Variants in TMEM63B observed in about 807,000 individuals in gnomAD.
The protein encoded by TMEM63B is mechanosensitive cation channel TMEM63B.
A neutral mutation model predicts 102.6 loss-of-function variants in TMEM63B; 23 were observed. The observed-to-expected ratio is 0.22, with a 90% CI of 0.16 to 0.32. The LOEUF is 0.32. TMEM63B is among the 10% of genes least tolerant of loss of function. The pLI is 1.00. For missense variants in TMEM63B, 628 were observed against 1,095.9 expected, an observed-to-expected ratio of 0.57 and a Z score of 6.03; for synonymous variants, 444 against 437.0, an observed-to-expected ratio of 1.02 and a Z score of -0.20.
At position 44,150,691 on chromosome 6, in the gene TMEM63B, C is replaced by A; in HGVS notation, c.1673+62C>A. The A allele has an allele frequency of 6.6e-7, 1 of 1,521,486 alleles. No homozygotes were observed. The highest frequency in any genetic ancestry group is 9.1e-7 in the Non-Finnish European group (1 of 1,098,990). 94.2% of individuals were successfully genotyped at this position (1,521,486 alleles called of 1,614,324 possible). On this transcript the variant is annotated intron_variant, in intron 18 of 23. Transcript: ENST00000323267. This position sits in a 1 kb window ranked among gnomAD's most constrained non-coding sequence, Gnocchi z 4.7. ...AGCAGGGGTGGGTATGCTTGAGAGA[C>A]ATTGCCAGCCCCATGGGAGGGTGCA...
Position 44,150,588 on chromosome 6 carries a change from C to T in TMEM63B, c.1632C>T (p.Leu544=), listed in dbSNP as rs772173355. ...GCCTGGACCTCTTCTTCCGCTGGCT[C>T]TTTGATAAGAAATTCTTGGCTGAGG... is the stretch of plus-strand genomic sequence containing the variant. ...LSSLDLFFRW[L]FDKKFLAEAA... is the part of the protein sequence containing the mutation. Residue 544 remains leucine (L), a synonymous_variant, in exon 18 of 24, where the codon CTC becomes CTT. Transcript: ENST00000323267. This position sits in a 1 kb window ranked among gnomAD's most constrained non-coding sequence, Gnocchi z 4.7. The T allele has an allele frequency of 9.9e-6, 16 of 1,614,038 alleles. No homozygotes were observed. Among genetic ancestry groups the T allele is most frequent in the Middle Eastern group, 1.6e-4 (1 of 6,084 alleles).
Position 44,148,158 on chromosome 6 carries a change from G to C in TMEM63B, c.988-94G>C. On this transcript the variant is annotated intron_variant, in intron 12 of 23. Transcript: ENST00000323267. The surrounding 1 kb of genome is among the most constrained non-coding windows in gnomAD (Gnocchi z 5.1). Reference sequence around the variant, plus strand: ...AAAATGCTTAGAGGAGCAGTGCCTGGCTTGTAGGAAGCCCCAAGTCAGCGT... The same window carrying C: ...AAAATGCTTAGAGGAGCAGTGCCTGCCTTGTAGGAAGCCCCAAGTCAGCGT... 1 of 1,549,820 alleles carries C rather than the reference G, an allele frequency of 6.5e-7. No individual in the cohort carries two copies. The highest frequency in any genetic ancestry group is 8.7e-7 in the Non-Finnish European group (1 of 1,149,938).
At position 44,132,675 on chromosome 6, in the gene TMEM63B, G is replaced by A. The variant is rs139203406; in HGVS notation, c.-24-1886G>A. 8.8e-3 allele frequency among the ~76,000 whole-genome samples: 1,344 copies of A among 152,006 alleles called. 10 individuals are homozygous for A. The highest frequency in any genetic ancestry group is 0.013 in the Non-Finnish European group (913 of 67,986). Reference sequence around the variant, plus strand: ...ACACCCATGTTCACACCCCCACTTCGAAGCCAACAACTCCCTTCATTTCCG... The same window carrying A: ...ACACCCATGTTCACACCCCCACTTCAAAGCCAACAACTCCCTTCATTTCCG... On this transcript the variant is annotated intron_variant, in intron 1 of 23. Coordinates refer to ENST00000323267, the MANE Select transcript of TMEM63B (RefSeq NM_018426.3).
chr6:44,152,044 GCCCC>G lies in TMEM63B; in HGVS notation c.1836+38_1836+41del. 1 of 1,552,804 alleles carries G rather than the reference GCCCC, an allele frequency of 6.4e-7. No individual in the cohort carries two copies. ...CTGGGGCAGCAGCGGCCCGCACAGC[GCCCC>G]CTGGTGGCCCAACAAGAAACAGCAG... On this transcript the variant is annotated intron_variant, in intron 19 of 23. Transcript: ENST00000323267. This position sits in a 1 kb window ranked among gnomAD's most constrained non-coding sequence, Gnocchi z 6.4.
At position 44,152,074 on chromosome 6, in the gene TMEM63B, C is replaced by T. The variant is rs1017138010; in HGVS notation, c.1836+66C>T. The T allele has an allele frequency of 1.3e-5, 20 of 1,513,480 alleles. No homozygotes were observed. The highest frequency in any genetic ancestry group is 1.6e-5 in the Non-Finnish European group (18 of 1,132,658). 93.8% of individuals were successfully genotyped at this position (1,513,480 alleles called of 1,614,324 possible). On this transcript the variant is annotated intron_variant, in intron 19 of 23. Transcript: ENST00000323267. The surrounding 1 kb of genome is among the most constrained non-coding windows in gnomAD (Gnocchi z 6.4). ...CTGGTGGCCCAACAAGAAACAGCAG[C>T]CATCGCGCTAGGGTTGAGGGGCACA... is the stretch of plus-strand genomic sequence containing the variant.
intron 11 of TMEM63B, 77 bp from the exon 12 acceptor site, chr6:44,147,300 G>T: frequency 6.2e-7 from 1 of 1,609,238 alleles, no homozygotes; most frequent in South Asian, 1.1e-5. Flanking sequence ...CCTGTCCTTG[G>T]GGAGTGAGCT....
At chr6:44,135,408 T>G (rs1409711917) in intron 4 of TMEM63B, 42 bp downstream of exon 4, 1 of 1,579,282 alleles carries the variant, frequency 6.3e-7, no homozygotes, top group East Asian at 2.3e-5. Context: ...TAAACCAGCT[T>G]TCCCTTTTCT....
Position 44,152,033 on chromosome 6 carries a change from G to T in TMEM63B, c.1836+25G>T, listed in dbSNP as rs756169898. The stretch of plus-strand genomic sequence containing the variant: ...GGTACGGCCGCCTGGGGCAGCAGCG[G>T]CCCGCACAGCGCCCCCTGGTGGCCC... On this transcript the variant is annotated intron_variant, in intron 19 of 23. Coordinates refer to ENST00000323267, the MANE Select transcript of TMEM63B (RefSeq NM_018426.3). The surrounding 1 kb of genome is among the most constrained non-coding windows in gnomAD (Gnocchi z 6.4). 5 of 1,572,454 alleles carry T rather than the reference G, an allele frequency of 3.2e-6. No homozygotes were observed. In the South Asian group the frequency reaches 4.6e-5, roughly 14 times the overall value.
At chr6:44,134,922 T>G in intron 2 of TMEM63B, 95 bp from the exon 3 acceptor site, 1 of 1,533,446 alleles carries the variant, frequency 6.5e-7, no homozygotes, top group South Asian at 1.1e-5. Flanking sequence ...GTCATCCCCT[T>G]CTAAGACAAG....
intron 20 of TMEM63B, 86 bp from the exon 21 acceptor site, chr6:44,153,590 T>A: frequency 6.6e-7 from 1 of 1,504,026 alleles, no homozygotes; most frequent in Middle Eastern, 2.2e-4. Flanking sequence ...CCTTCAGCAC[T>A]CTCAGGACCA....
chr6:44,139,677 C>A lies in TMEM63B; in HGVS notation c.551-31C>A, dbSNP rs202216036. The stretch of plus-strand genomic sequence containing the variant: ...CTGGAGGGGATGTGCCCTGACCCCA[C>A]CATCATCCTCTCCCTCTTCCCACCC... On this transcript the variant is annotated intron_variant, in intron 7 of 23. Transcript: ENST00000323267. 1.3e-5 allele frequency: 21 copies of A among 1,614,112 alleles called. No individual in the cohort carries two copies. In the Admixed American group the frequency reaches 3.3e-4, roughly 26 times the overall value.
intron 10 of TMEM63B, among the ~76,000 whole-genome samples, chr6:44,144,481 C>T (rs1188492616): frequency 6.6e-6 from 1 of 152,102 alleles, no homozygotes; most frequent in Non-Finnish European, 1.5e-5. Context: ...ATCTCAAGGA[C>T]CCTATCCCAG....
intron 3 of TMEM63B, 108 bp downstream of exon 3, chr6:44,135,204 T>C: frequency 1.3e-6 from 2 of 1,570,968 alleles, no homozygotes. Context: ...GCTGGGGGGA[T>C]GAGAAGGGAC....
intron 6 of TMEM63B, among the ~76,000 whole-genome samples, chr6:44,139,237 C>T (rs918184481): frequency 6.6e-6 from 1 of 152,042 alleles, no homozygotes; most frequent in Non-Finnish European, 1.5e-5. Flanking sequence ...TCATCCCTCC[C>T]CTTCTCCATG....
Position 44,149,950 on chromosome 6 carries a change from A to G in TMEM63B, c.1505A>G (p.Glu502Gly). 6.2e-7 allele frequency: 1 copy of G among 1,613,446 alleles called. No homozygotes were observed. Among genetic ancestry groups the G allele is most frequent in the South Asian group, 1.1e-5 (1 of 90,826 alleles). ...PTIVYYSAFF[E>G]AHWTRSGENR... ...ATCGTCTACTACTCAGCCTTCTTTG[A>G]AGCCCACTGGACACGGTAAGGTGCC... The change falls in exon 16 of 24, where the codon GAA becomes GGA. Residue 502 changes from glutamate to glycine, a missense_variant. Physicochemically the swap from Glu to Gly is moderately conservative, Grantham distance 98 (BLOSUM62 -2). Coordinates refer to ENST00000323267, the MANE Select transcript of TMEM63B (RefSeq NM_018426.3).
Position 44,140,273 on chromosome 6 carries a change from C to G in TMEM63B, c.624C>G (p.His208Gln). The G allele has an allele frequency of 6.2e-7, 1 of 1,614,018 alleles. No homozygotes were observed. The highest frequency in any genetic ancestry group is 8.5e-7 in the Non-Finnish European group (1 of 1,179,960). The change falls in exon 9 of 24, where the codon CAC becomes CAG. Residue 208 changes from histidine (H) to glutamine (Q), a missense_variant. This residue lies in a region of TMEM63B where 336 missense variants were observed against 580.3 expected (regional missense o/e 0.58). Coordinates refer to ENST00000323267, the MANE Select transcript of TMEM63B (RefSeq NM_018426.3). The part of the protein sequence containing the change: ...LKSGNNLLWL[H>Q]TSFAFLYLLL... Reference sequence around the variant, plus strand: ...CCAGGAACAACCTGCTATGGCTGCACACCTCCTTCGCCTTCCTGTATCTGC... The same window carrying G: ...CCAGGAACAACCTGCTATGGCTGCAGACCTCCTTCGCCTTCCTGTATCTGC...
chr6:44,148,496 A>G lies in TMEM63B; in HGVS notation c.1122-17A>G. ...GCCTCCAGGTGGGCCTGTGGTAACC[A>G]GTGCCCATCTTTCTAGCATCCTGAA... On this transcript the variant is annotated splice_polypyrimidine_tract_variant and intron_variant, in intron 13 of 23. Coordinates refer to ENST00000323267, the MANE Select transcript of TMEM63B (RefSeq NM_018426.3). This position sits in a 1 kb window ranked among gnomAD's most constrained non-coding sequence, Gnocchi z 5.1. 1 of 1,613,552 alleles carries G rather than the reference A, an allele frequency of 6.2e-7. No individual in the cohort carries two copies. Among genetic ancestry groups the G allele is most frequent in the Middle Eastern group, 1.7e-4 (1 of 6,060 alleles).
At chr6:44,146,817 G>A in intron 10 of TMEM63B, 30 bp from the exon 11 acceptor site, 6 of 1,611,742 alleles carry the variant, frequency 3.7e-6, no homozygotes, top group Non-Finnish European at 5.1e-6. Flanking sequence ...TGGGGTCCCT[G>A]CACAAGATGA....
upstream of TMEM63B, chr6:44,127,401 G>C (rs1167955308): frequency 6.6e-6 from 1 of 151,930 alleles, no homozygotes; most frequent in African/African-American, 2.4e-5. Flanking sequence ...CGCCGCCTTC[G>C]CCCCACGCGG....
Sources: gnomAD v4.1 joint callset for allele counts (sites outside exome capture counted in the v4.1 genomes callset) on GRCh38, gnomAD v4.1.1 for gene constraint, gnomAD v4.1.1 regional missense constraint, Gnocchi (gnomAD v3.1) non-coding constraint, MANE v1.5 for transcripts, NCBI Gene and HGNC (gene_info 2026-07-23, HGNC 2026-07-21) for gene names.